Variants in RUNDC3B observed in about 807,000 individuals in gnomAD.
RUNDC3B encodes the protein RUN domain-containing protein 3B.
In RUNDC3B, 33 loss-of-function variants were observed where a neutral mutation model predicts 58.4. That is an observed-to-expected ratio of 0.56 (90% CI 0.43 to 0.75). The LOEUF is 0.75. Ranked by LOEUF, RUNDC3B falls within the 30% of genes least tolerant of loss-of-function variation. RUNDC3B has a pLI of 0.00. For synonymous variants in RUNDC3B, 193 were observed against 195.2 expected (o/e 0.99, Z 0.10); for missense variants, 501 against 535.7 (o/e 0.94, Z 0.64).
intron 8 of RUNDC3B, among the ~76,000 whole-genome samples, chr7:87,779,744 A>G (rs757655113): frequency 2.0e-5 from 3 of 152,118 alleles, no homozygotes; most frequent in Non-Finnish European, 4.4e-5. Context: ...TAGTGAGCAT[A>G]GTACTCAATA....
chr7:87,652,125 A>G (rs1823637673), intron 2 of RUNDC3B, among the ~76,000 whole-genome samples: 1 of 152,144 alleles, frequency 6.6e-6, no homozygotes, highest in Non-Finnish European at 1.5e-5. Context: ...TTTATAAACA[A>G]TGCCTAACTA....
intron 8 of RUNDC3B, among the ~76,000 whole-genome samples, chr7:87,784,631 T>C (rs1835106019): frequency 1.3e-5 from 2 of 151,916 alleles, no homozygotes; most frequent in Non-Finnish European, 2.9e-5. Context: ...CTGGCAGATA[T>C]GCTTACTCAG....
At chr7:87,638,870 C>T (rs572975090) in intron 1 of RUNDC3B, among the ~76,000 whole-genome samples, 33 of 152,018 alleles carry the variant, frequency 2.2e-4, no homozygotes, top group African/African-American at 6.0e-4. Flanking sequence ...AATCTATTGT[C>T]GGCTGGGCAT....
intron 6 of RUNDC3B, among the ~76,000 whole-genome samples, chr7:87,768,715 G>C (rs573054093): frequency 6.6e-6 from 1 of 152,128 alleles, no homozygotes; most frequent in Non-Finnish European, 1.5e-5. Flanking sequence ...TTAATGGTCA[G>C]TCTCTCCCAG....
At chr7:87,739,994 G>T in intron 5 of RUNDC3B, 114 bp downstream of exon 5, 2 of 464,386 alleles carry the variant, frequency 4.3e-6, no homozygotes. Context: ...ATTGTTATTT[G>T]ATTCATGTTG....
intron 6 of RUNDC3B, among the ~76,000 whole-genome samples, chr7:87,769,227 T>A (rs982022548): frequency 1.3e-5 from 2 of 151,806 alleles, no homozygotes; most frequent in African/African-American, 2.4e-5. Flanking sequence ...CCCAAGCTGG[T>A]CTTGAACTTC....
chr7:87,682,364 C>T (rs7793202), intron 2 of RUNDC3B, among the ~76,000 whole-genome samples: 2,072 of 152,242 alleles, frequency 0.014, 50 homozygotes, highest in African/African-American at 0.047. Flanking sequence ...ATGTTCTTGA[C>T]GAATCTTTTC....
In RUNDC3B at chr7:87,650,436, C is replaced by T. The variant is rs73705294; in HGVS notation, c.123-386C>T. 3.0e-3 allele frequency among the ~76,000 whole-genome samples: 455 copies of T among 152,226 alleles called. 3 individuals are homozygous for T. The highest frequency in any genetic ancestry group is 0.01 in the African/African-American group (427 of 41,534). On this transcript the variant is annotated intron_variant, in intron 1 of 10. Transcript: ENST00000394654. ...AGATGACACCTTCTGTGTGTCTTTA[C>T]ATGGCAGAAGAGGCAAACAAGCTCC...
At chr7:87,752,848 T>G (rs1379042211) in intron 6 of RUNDC3B, among the ~76,000 whole-genome samples, 2 of 152,122 alleles carry the variant, frequency 1.3e-5, no homozygotes, top group African/African-American at 4.8e-5. Context: ...ATTAATTTTT[T>G]GAAGAGTTTT....
At position 87,770,679 on chromosome 7, in the gene RUNDC3B, T is replaced by A; in HGVS notation, c.728T>A (p.Met243Lys). Residue 243 changes from methionine (M) to lysine (K), a missense_variant, in exon 7 of 11, where the codon ATG becomes AAG. Coordinates refer to ENST00000394654, the MANE Select transcript of RUNDC3B (RefSeq NM_001134405.2). ...TPENVGPPFL[M>K]DENSWFNKCK... ...GAGAATGTCGGACCTCCTTTCCTCATGGATGAGAACAGTTGGTTCAACAAG... is the reference window on the plus strand; with the variant it reads ...GAGAATGTCGGACCTCCTTTCCTCAAGGATGAGAACAGTTGGTTCAACAAG... 1 of 1,613,758 alleles carries A rather than the reference T, an allele frequency of 6.2e-7. No individual in the cohort carries two copies. Among genetic ancestry groups the A allele is most frequent in the African/African-American group, 1.3e-5 (1 of 75,038 alleles).
chr7:87,668,486 A>C (rs1398789494), intron 2 of RUNDC3B, among the ~76,000 whole-genome samples: 1 of 151,586 alleles, frequency 6.6e-6, no homozygotes, highest in Non-Finnish European at 1.5e-5. Flanking sequence ...AGTTTCCTTC[A>C]GTTCAGCTCT....
intron 10 of RUNDC3B, among the ~76,000 whole-genome samples, chr7:87,816,831 T>A (rs1837070063): frequency 6.6e-6 from 1 of 152,218 alleles, no homozygotes; most frequent in Non-Finnish European, 1.5e-5. Flanking sequence ...TCAGGCTAGT[T>A]TGAATTATAT....
At chr7:87,778,439 T>C (rs943926389) in intron 8 of RUNDC3B, among the ~76,000 whole-genome samples, 6 of 103,518 alleles carry the variant, frequency 5.8e-5, no homozygotes, top group African/African-American at 2.5e-4. Flanking sequence ...CAAAACTCTG[T>C]CAAAAAAAAA....
chr7:87,636,345 G>A (rs1054020290), intron 1 of RUNDC3B, among the ~76,000 whole-genome samples: 1 of 152,148 alleles, frequency 6.6e-6, no homozygotes, highest in East Asian at 1.9e-4. Context: ...GCACCTTTCC[G>A]TAAGTCTGTA....
intron 6 of RUNDC3B, among the ~76,000 whole-genome samples, chr7:87,747,259 CTCAGTGAGTCTACT>C (rs1832696028): frequency 6.6e-6 from 1 of 152,156 alleles, no homozygotes; most frequent in South Asian, 2.1e-4. Flanking sequence ...GGTCTAGCCA[CTCAGTGAGTCTACT>C]TGGCTCTTGG....
chr7:87,709,572 T>C, intron 3 of RUNDC3B: 1 of 951,156 alleles, frequency 1.1e-6, no homozygotes, highest in Non-Finnish European at 1.3e-6. Flanking sequence ...GTAGTACTGC[T>C]GCTTCTAGCC....
intron 4 of RUNDC3B, among the ~76,000 whole-genome samples, chr7:87,721,176 AT>A (rs1418344735): frequency 6.6e-6 from 1 of 151,354 alleles, no homozygotes; most frequent in Non-Finnish European, 1.5e-5. Flanking sequence ...GTAGCAGGCT[AT>A]TTTTAGGTAA....
At chr7:87,757,654 G>T (rs146641096) in intron 6 of RUNDC3B, among the ~76,000 whole-genome samples, 3 of 152,122 alleles carry the variant, frequency 2.0e-5, no homozygotes, top group Non-Finnish European at 4.4e-5. Context: ...CACAGAAATA[G>T]AAAAAATTAT....
chr7:87,717,437 T>G (rs1428205248), intron 4 of RUNDC3B, among the ~76,000 whole-genome samples: 4 of 152,076 alleles, frequency 2.6e-5, no homozygotes, highest in African/African-American at 9.7e-5. Context: ...ATAATATTTT[T>G]TGGTAAAAAA....
Sources: gnomAD v4.1 joint callset for allele counts (sites outside exome capture counted in the v4.1 genomes callset) on GRCh38, gnomAD v4.1.1 for gene constraint, MANE v1.5 for transcripts, NCBI Gene and HGNC (gene_info 2026-07-23, HGNC 2026-07-21) for gene names.